PLPP1: variants seen among roughly 807,000 people sequenced by gnomAD.
PLPP1 encodes the protein phospholipid phosphatase 1.
A neutral mutation model predicts 31.2 loss-of-function variants in PLPP1; 24 were observed. The observed-to-expected ratio is 0.77, with a 90% CI of 0.56 to 1.08. PLPP1 has a LOEUF of 1.08. Among genes scored for constraint, PLPP1 ranks in the 50% least tolerant of loss-of-function variants. PLPP1 has a pLI of 0.00. For missense variants in PLPP1, 319 were observed against 342.7 expected (o/e 0.93, Z 0.55); for synonymous variants, 146 against 126.3 (o/e 1.16, Z -1.05).
intron 1 of PLPP1, chr5:55,530,390 G>C: frequency 7.7e-7 from 1 of 1,298,630 alleles, no homozygotes; most frequent in Non-Finnish European, 1.1e-6. Flanking sequence ...AACGCTCTCT[G>C]GTAAAATTTG....
At chr5:55,498,053 C>G (rs1295977962) in intron 1 of PLPP1, among the ~76,000 whole-genome samples, 1 of 151,900 alleles carries the variant, frequency 6.6e-6, no homozygotes, top group Non-Finnish European at 1.5e-5. Context: ...GAAGGTAAAG[C>G]CAGTTGGGGT....
rs375417101 is a variant in PLPP1 at position 55,534,635 on chromosome 5, C to A, written c.-6G>T. On this transcript the variant is annotated 5_prime_UTR_variant, in exon 1 of 6. Transcript: ENST00000307259. Reference sequence around the variant, plus strand: ...AGCCGCGTCTTGTCAAACATGGTCTCTGCCCGGGCTGCCCGGCAAGGGCGA... The same window carrying A: ...AGCCGCGTCTTGTCAAACATGGTCTATGCCCGGGCTGCCCGGCAAGGGCGA... The A allele has an allele frequency of 3.2e-4, 495 of 1,544,290 alleles. No homozygotes were observed. The highest frequency in any genetic ancestry group is 4.1e-4 in the Non-Finnish European group (470 of 1,146,988).
intron 1 of PLPP1, among the ~76,000 whole-genome samples, chr5:55,520,311 C>T (rs776577471): frequency 8.5e-5 from 13 of 152,192 alleles, no homozygotes; most frequent in Non-Finnish European, 1.8e-4. Flanking sequence ...GAAATACAAA[C>T]CAGGTTCTGA....
At chr5:55,480,761 T>C (rs1046841016) in intron 1 of PLPP1, among the ~76,000 whole-genome samples, 8 of 152,206 alleles carry the variant, frequency 5.3e-5, no homozygotes, top group African/African-American at 1.9e-4. Flanking sequence ...CATATACAAG[T>C]ATTTTTGTAG....
chr5:55,468,906 C>T (rs1413409159), intron 2 of PLPP1, among the ~76,000 whole-genome samples: 3 of 152,082 alleles, frequency 2.0e-5, no homozygotes, highest in Non-Finnish European at 4.4e-5. Context: ...TCAAATATTC[C>T]TTTGAATCAA....
intron 3 of PLPP1, among the ~76,000 whole-genome samples, chr5:55,462,246 A>AT (rs1318185759): frequency 6.6e-6 from 1 of 152,228 alleles, no homozygotes; most frequent in African/African-American, 2.4e-5. Flanking sequence ...ATTACACCTC[A>AT]TTTTAAAACT....
intron 1 of PLPP1, among the ~76,000 whole-genome samples, chr5:55,476,711 T>C (rs1752557800): frequency 6.6e-6 from 1 of 152,224 alleles, no homozygotes; most frequent in Admixed American, 6.5e-5. Context: ...GCACCAAGAC[T>C]TGATGACCAT....
intron 1 of PLPP1, among the ~76,000 whole-genome samples, chr5:55,499,135 T>C (rs1753065090): frequency 1.3e-5 from 2 of 152,202 alleles, no homozygotes; most frequent in African/African-American, 2.4e-5. Context: ...AAAATAGGAC[T>C]TTACAAATAA....
intron 4 of PLPP1, among the ~76,000 whole-genome samples, chr5:55,430,077 A>G (rs771850813): frequency 2.0e-5 from 3 of 152,000 alleles, no homozygotes; most frequent in Admixed American, 6.5e-5. Context: ...ACCTGCTGCT[A>G]CCACCACCCA....
intron 2 of PLPP1, among the ~76,000 whole-genome samples, chr5:55,471,833 A>G (rs907969331): frequency 6.6e-6 from 1 of 152,218 alleles, no homozygotes; most frequent in African/African-American, 2.4e-5. Context: ...AAATGAGCAC[A>G]TAAGGCTGAG....
chr5:55,514,674 CTTTTT>C (rs113730209), intron 1 of PLPP1, among the ~76,000 whole-genome samples: 1 of 150,946 alleles, frequency 6.6e-6, no homozygotes, highest in Non-Finnish European at 1.5e-5. Flanking sequence ...AACACACACG[CTTTTT>C]TTTTAAAGGC....
chr5:55,523,405 C>G (rs1305592209), intron 1 of PLPP1, among the ~76,000 whole-genome samples: 1 of 152,130 alleles, frequency 6.6e-6, no homozygotes, highest in Non-Finnish European at 1.5e-5. Flanking sequence ...CAAATACACA[C>G]TAGTTAATCT....
At chr5:55,479,376 A>G (rs10940467) in intron 1 of PLPP1, among the ~76,000 whole-genome samples, 130,196 of 152,202 alleles carry the variant, frequency 0.86, 56,170 homozygotes, top group South Asian at 0.92. Context: ...ATTTTCACTA[A>G]CTATCTAAAC....
At chr5:55,516,689 A>G (rs895733223) in intron 1 of PLPP1, among the ~76,000 whole-genome samples, 2 of 152,260 alleles carry the variant, frequency 1.3e-5, no homozygotes, top group Admixed American at 6.5e-5. Flanking sequence ...TCAGACCTGT[A>G]TGCTTCCAAT....
chr5:55,487,155 T>C (rs4865948), intron 1 of PLPP1, among the ~76,000 whole-genome samples: 8,722 of 152,218 alleles, frequency 0.057, 441 homozygotes, highest in Admixed American at 0.11. Flanking sequence ...CTATTAAACA[T>C]AGGTAAGTTT....
At chr5:55,500,764 A>G (rs1356492508) in intron 1 of PLPP1, among the ~76,000 whole-genome samples, 1 of 152,184 alleles carries the variant, frequency 6.6e-6, no homozygotes, top group Non-Finnish European at 1.5e-5. Flanking sequence ...ATACCAGTGT[A>G]TATGAGAGAT....
At chr5:55,428,336 C>T (rs1751260595) in intron 4 of PLPP1, among the ~76,000 whole-genome samples, 1 of 152,194 alleles carries the variant, frequency 6.6e-6, no homozygotes, top group Admixed American at 6.5e-5. Context: ...TACTGCGTTT[C>T]CCTGGGTCAG....
chr5:55,503,915 G>A (rs1316601715), intron 1 of PLPP1, among the ~76,000 whole-genome samples: 2 of 109,508 alleles, frequency 1.8e-5, no homozygotes, highest in South Asian at 4.6e-4. Context: ...GGGAGGAAGG[G>A]GGGGGAGGAA....
At chr5:55,431,936 T>G (rs1579916960) in intron 4 of PLPP1, among the ~76,000 whole-genome samples, 2 of 152,276 alleles carry the variant, frequency 1.3e-5, no homozygotes, top group East Asian at 3.9e-4. Context: ...TCCAATCATC[T>G]ATTTGGAGAT....
Sources: allele counts gnomAD v4.1 joint callset (sites outside exome capture counted in the v4.1 genomes callset), GRCh38; gene constraint gnomAD v4.1.1; transcripts MANE v1.5; gene names NCBI Gene and HGNC (gene_info 2026-07-23, HGNC 2026-07-21).